Variants in MALRD1 observed in about 807,000 individuals in gnomAD.
MALRD1 encodes MAM and LDL-receptor class A domain-containing protein 1.
In MALRD1, 247 loss-of-function variants were observed where a neutral mutation model predicts 242.1. The ratio of observed to expected loss-of-function variants is 1.02; its 90% CI spans 0.92 to 1.13. The LOEUF (loss-of-function observed/expected upper bound fraction) is 1.13, where lower values mean the gene tolerates loss of function less well. Among genes scored for constraint, MALRD1 ranks in the 50% most tolerant of loss-of-function variants. The pLI, the probability that MALRD1 is intolerant of heterozygous loss-of-function variation, is 0.00. For synonymous variants in MALRD1, 995 were observed against 866.6 expected (o/e 1.15, Z -2.60); for missense variants, 2,989 against 2,533.1 (o/e 1.18, Z -3.86).
intron 3 of MALRD1, 24 bp downstream of exon 3, chr10:19,087,958 T>G: frequency 2.4e-6 from 3 of 1,231,284 alleles, no homozygotes; most frequent in Non-Finnish European, 3.0e-6. Context: ...CACAGCATTT[T>G]AAATATTTTG....
At chr10:19,149,077 C>CATCTGTCTATCT (rs1554798068) in intron 11 of MALRD1, among the ~76,000 whole-genome samples, 1 of 143,920 alleles carries the variant, frequency 6.9e-6, no homozygotes, top group Non-Finnish European at 1.5e-5. Flanking sequence ...TCTATCTGTC[C>CATCTGTCTATCT]ATCTATCTAT....
chr10:19,349,709 A>G (rs1006341875), intron 25 of MALRD1, among the ~76,000 whole-genome samples: 1 of 152,208 alleles, frequency 6.6e-6, no homozygotes, highest in African/African-American at 2.4e-5. Flanking sequence ...ATTTAGCTTT[A>G]TACATCTATA....
At chr10:19,165,504 G>A in intron 12 of MALRD1, 133 bp from the exon 13 acceptor site, 2 of 570,518 alleles carry the variant, frequency 3.5e-6, no homozygotes, top group East Asian at 7.1e-5. Flanking sequence ...GGTGTTTCAT[G>A]CCTGTAATCC....
chr10:19,572,914 T>C (rs1836633026), intron 33 of MALRD1, among the ~76,000 whole-genome samples: 1 of 152,146 alleles, frequency 6.6e-6, no homozygotes, highest in East Asian at 1.9e-4. Context: ...TAGCAATACT[T>C]TGAATTCAGA....
At chr10:19,073,928 AAT>A (rs1835237387) in intron 2 of MALRD1, among the ~76,000 whole-genome samples, 2 of 152,154 alleles carry the variant, frequency 1.3e-5, no homozygotes. Flanking sequence ...CATTTGAGAA[AAT>A]AGTTGAAAGA....
intron 21 of MALRD1, among the ~76,000 whole-genome samples, chr10:19,312,378 G>GTATATATATATATATA (rs112120220): frequency 1.3e-4 from 18 of 137,544 alleles, no homozygotes; most frequent in African/African-American, 4.4e-4. Context: ...AGAGGAATGT[G>GTATATATATATATATA]TATATATATA....
intron 29 of MALRD1, among the ~76,000 whole-genome samples, chr10:19,451,517 C>G (rs1023852500): frequency 1.1e-4 from 16 of 152,044 alleles, no homozygotes; most frequent in African/African-American, 3.9e-4. Flanking sequence ...ATTTGGTTTC[C>G]AAAATAATCC....
chr10:19,485,864 C>A (rs1190071987), intron 29 of MALRD1, among the ~76,000 whole-genome samples: 1 of 151,708 alleles, frequency 6.6e-6, no homozygotes, highest in African/African-American at 2.4e-5. Flanking sequence ...ACTGAAACAA[C>A]TCTATGATGA....
chr10:19,155,928 C>T (rs55773377), intron 12 of MALRD1, among the ~76,000 whole-genome samples: 9,437 of 152,178 alleles, frequency 0.062, 354 homozygotes, highest in Middle Eastern at 0.11. Context: ...ATTCAGTAAA[C>T]ATAATTCCTT....
chr10:19,148,880 G>T (rs866233877), intron 11 of MALRD1, among the ~76,000 whole-genome samples: 2 of 149,496 alleles, frequency 1.3e-5, no homozygotes, highest in Non-Finnish European at 3.0e-5. Context: ...ATCAGTAGTG[G>T]TTTTAAATTG....
chr10:19,502,843 A>G (rs1325110516), intron 31 of MALRD1, among the ~76,000 whole-genome samples: 3 of 152,176 alleles, frequency 2.0e-5, no homozygotes, highest in Non-Finnish European at 4.4e-5. Context: ...AGTATAGTCA[A>G]TAGATATGAG....
chr10:19,082,799 C>A (rs761302635), intron 2 of MALRD1, among the ~76,000 whole-genome samples: 1 of 151,944 alleles, frequency 6.6e-6, no homozygotes. Context: ...AATTTAGTGA[C>A]TTTACTGAGA....
chr10:19,115,053 A>G (rs1273312780), intron 5 of MALRD1, among the ~76,000 whole-genome samples: 1 of 152,208 alleles, frequency 6.6e-6, no homozygotes, highest in Non-Finnish European at 1.5e-5. Flanking sequence ...TTAACAGTTC[A>G]ACATAGGAAT....
At chr10:19,430,540 T>C (rs1034100177) in intron 28 of MALRD1, among the ~76,000 whole-genome samples, 1 of 152,176 alleles carries the variant, frequency 6.6e-6, no homozygotes, top group Non-Finnish European at 1.5e-5. Flanking sequence ...GATAGCCCAC[T>C]AAAGTACTCT....
intron 28 of MALRD1, among the ~76,000 whole-genome samples, chr10:19,415,488 ATTAAG>A (rs1416184292): frequency 6.6e-6 from 1 of 152,202 alleles, no homozygotes; most frequent in East Asian, 1.9e-4. Context: ...CTTAAGGCTA[ATTAAG>A]TTAATTCACA....
At chr10:19,312,251 T>G (rs1487806413) in intron 21 of MALRD1, among the ~76,000 whole-genome samples, 1 of 151,340 alleles carries the variant, frequency 6.6e-6, no homozygotes, top group Non-Finnish European at 1.5e-5. Context: ...TGTTTTTCCA[T>G]TGAATGTTTA....
At chr10:19,077,432 TG>T (rs571691061) in intron 2 of MALRD1, among the ~76,000 whole-genome samples, 56 of 152,080 alleles carry the variant, frequency 3.7e-4, no homozygotes, top group Non-Finnish European at 6.9e-4. Flanking sequence ...CCAAGGCATT[TG>T]AGAAATCTCA....
intron 14 of MALRD1, among the ~76,000 whole-genome samples, chr10:19,193,674 A>G (rs890401948): frequency 1.3e-5 from 2 of 152,202 alleles, no homozygotes; most frequent in African/African-American, 2.4e-5. Flanking sequence ...ATAATTCCTT[A>G]TATCCTGGAG....
intron 29 of MALRD1, among the ~76,000 whole-genome samples, chr10:19,460,936 A>C (rs895771719): frequency 1.3e-5 from 2 of 152,190 alleles, no homozygotes; most frequent in African/African-American, 4.8e-5. Context: ...CTTTGGTTTC[A>C]TCTGCTGTAT....
Sources: gnomAD v4.1 joint callset for allele counts (sites outside exome capture counted in the v4.1 genomes callset) on GRCh38, gnomAD v4.1.1 for gene constraint, MANE v1.5 for transcripts, NCBI Gene and HGNC (gene_info 2026-07-23, HGNC 2026-07-21) for gene names.